NALF1: variants seen among roughly 807,000 people sequenced by gnomAD.
NALF1 encodes the protein family with sequence similarity 155 member A.
Under a neutral mutation model 48.4 loss-of-function variants are expected in NALF1, and 3 were observed. That is an observed-to-expected ratio of 0.06 (90% CI 0.03 to 0.16). The LOEUF is 0.16. Ranked by LOEUF, NALF1 falls within the 10% of genes least tolerant of loss-of-function variation. The pLI, the probability that NALF1 is intolerant of heterozygous loss-of-function variation, is 1.00. For synonymous variants in NALF1, 262 were observed against 245.7 expected, an observed-to-expected ratio of 1.07 and a Z score of -0.62; for missense variants, 526 against 571.5, an observed-to-expected ratio of 0.92 and a Z score of 0.81.
At chr13:107,400,753 C>A (rs570275888) in intron 1 of NALF1, among the ~76,000 whole-genome samples, 1 of 152,164 alleles carries the variant, frequency 6.6e-6, no homozygotes, top group African/African-American at 2.4e-5. Context: ...AAATTTACCT[C>A]ATGTTTAACC....
chr13:107,659,094 C>T (rs1880658998), intron 1 of NALF1, among the ~76,000 whole-genome samples: 1 of 130,964 alleles, frequency 7.6e-6, no homozygotes, highest in African/African-American at 3.1e-5. Context: ...AACTAGCCAG[C>T]ACTGACACAC....
intron 1 of NALF1, among the ~76,000 whole-genome samples, chr13:107,243,986 G>C (rs536421630): frequency 5.3e-5 from 8 of 152,264 alleles, no homozygotes; most frequent in African/African-American, 1.9e-4. Flanking sequence ...CAAAAATCAG[G>C]TTAGCCTCCT....
chr13:107,682,386 C>A (rs1319230917), intron 1 of NALF1, among the ~76,000 whole-genome samples: 1 of 152,154 alleles, frequency 6.6e-6, no homozygotes, highest in African/African-American at 2.4e-5. Context: ...TCCTGAGGCT[C>A]TTCTAGTTCT....
intron 2 of NALF1, among the ~76,000 whole-genome samples, chr13:107,198,423 G>A (rs556956001): frequency 5.3e-5 from 8 of 152,186 alleles, no homozygotes; most frequent in East Asian, 3.9e-4. Flanking sequence ...CCCTTTCTTC[G>A]TTACTACTCT....
At chr13:107,861,199 T>C (rs1438852589) in intron 1 of NALF1, among the ~76,000 whole-genome samples, 1 of 152,164 alleles carries the variant, frequency 6.6e-6, no homozygotes, top group East Asian at 1.9e-4. Flanking sequence ...ACCTCATAAA[T>C]AGCTTTACTA....
rs116093085 is a variant in NALF1 at position 107,411,095 on chromosome 13, C to T, written c.916-200340G>A. Among the ~76,000 whole-genome samples the T allele has an allele frequency of 5.6e-3, 853 of 152,176 alleles. 10 individuals are homozygous for T. The highest frequency in any genetic ancestry group is 0.02 in the African/African-American group (815 of 41,512). On this transcript the variant is annotated intron_variant, in intron 1 of 2. Coordinates refer to ENST00000375915, the MANE Select transcript of NALF1 (RefSeq NM_001080396.3). ...TACGTTTCCTTTAGCAGCAAGGTGG[C>T]ATCTCAGCTTTCAAGACCTTAGGGG... is the stretch of plus-strand genomic sequence containing the variant.
At chr13:107,599,771 A>G (rs1878871013) in intron 1 of NALF1, among the ~76,000 whole-genome samples, 1 of 152,206 alleles carries the variant, frequency 6.6e-6, no homozygotes, top group African/African-American at 2.4e-5. Context: ...ATTATCATAA[A>G]TACAATAAAA....
intron 1 of NALF1, among the ~76,000 whole-genome samples, chr13:107,625,780 A>T (rs1393095597): frequency 6.6e-6 from 1 of 151,990 alleles, no homozygotes; most frequent in Non-Finnish European, 1.5e-5. Flanking sequence ...CACCAACAAA[A>T]CCTGTTGAAA....
chr13:107,626,529 A>G lies in NALF1; in HGVS notation c.915+239153T>C, dbSNP rs74489956. On this transcript the variant is annotated intron_variant, in intron 1 of 2. Coordinates refer to ENST00000375915, the MANE Select transcript of NALF1 (RefSeq NM_001080396.3). ...ATGGAATCAATCTAAGTGGCCATCA[A>G]TGGATGAATGGATGATGAGAATGTG... Among the ~76,000 whole-genome samples, 1,119 of 152,254 alleles carry G rather than the reference A, an allele frequency of 7.3e-3. 15 individuals carry two copies. The highest frequency in any genetic ancestry group is 0.025 in the African/African-American group (1,043 of 41,560).
At chr13:107,468,166 A>G (rs1400784939) in intron 1 of NALF1, among the ~76,000 whole-genome samples, 1 of 152,212 alleles carries the variant, frequency 6.6e-6, no homozygotes, top group African/African-American at 2.4e-5. Flanking sequence ...ATCGCAAATA[A>G]CAAACAAATT....
In NALF1 at chr13:107,865,886, C is replaced by G. The variant is rs1486062572; in HGVS notation, c.711G>C (p.Gly237=). 2 of 1,614,108 alleles carry G rather than the reference C, an allele frequency of 1.2e-6. No homozygotes were observed. The highest frequency in any genetic ancestry group is 1.3e-5 in the African/African-American group (1 of 75,034). The change falls in exon 1 of 3, where the codon GGG becomes GGC. Residue 237 remains glycine, a synonymous_variant. Coordinates refer to ENST00000375915, the MANE Select transcript of NALF1 (RefSeq NM_001080396.3). ...NSYTLWELFS[G]LSSPNTLNCS... ...AGTTCAAAGTGTTGGGACTGGACAA[C>G]CCCGAGAACAACTCCCAAAGTGTGT...
At chr13:107,657,354 C>A (rs556326342) in intron 1 of NALF1, among the ~76,000 whole-genome samples, 15 of 152,092 alleles carry the variant, frequency 9.9e-5, no homozygotes, top group Non-Finnish European at 1.6e-4. Flanking sequence ...ACCAGGTATG[C>A]CATCATCAAA....
Position 107,170,772 on chromosome 13 carries a change from A to T in NALF1, c.1102T>A (p.Phe368Ile), listed in dbSNP as rs778157700. The T allele has an allele frequency of 6.2e-7, 1 of 1,614,166 alleles. No homozygotes were observed. Among genetic ancestry groups the T allele is most frequent in the East Asian group, 2.2e-5 (1 of 44,886 alleles). The change falls in exon 3 of 3, where the codon TTT (phenylalanine) becomes ATT (isoleucine). Residue 368 changes from phenylalanine to isoleucine, a missense_variant. Coordinates refer to ENST00000375915, the MANE Select transcript of NALF1 (RefSeq NM_001080396.3). ...CATTCTGGTTCATCATTGGTTAGAAAGGTTTCATAAAGCCCTGTAGGAAGA... is the reference window on the plus strand; with the variant it reads ...CATTCTGGTTCATCATTGGTTAGAATGGTTTCATAAAGCCCTGTAGGAAGA... ...SFICTGLYET[F>I]LTNDEPECCD...
intron 1 of NALF1, among the ~76,000 whole-genome samples, chr13:107,547,258 T>G: frequency 6.6e-6 from 1 of 152,158 alleles, no homozygotes; most frequent in East Asian, 1.9e-4. Flanking sequence ...GAAAAAGTTG[T>G]TCAGGTGTTT....
rs1164695551 is a variant in NALF1, at chr13:107,866,117, G to A, written c.480C>T (p.Asn160=). Residue 160 remains asparagine (N), a synonymous_variant, in exon 1 of 3, where the codon AAC becomes AAT. Transcript: ENST00000375915. The surrounding 1 kb of genome is among the most constrained non-coding windows in gnomAD (Gnocchi z 4.4). The stretch of plus-strand genomic sequence containing the variant: ...CCAGGCGCCACACGGGCTTGGCAGA[G>A]TTTCCTAGAAAAAGAGCCTTGCCCC... ...DDRGKALFLG[N]SAKPVWRLET... is the part of the protein sequence containing the mutation. 1.9e-6 allele frequency: 3 copies of A among 1,612,562 alleles called. No individual in the cohort carries two copies. The highest frequency in any genetic ancestry group is 1.7e-6 in the Non-Finnish European group (2 of 1,179,848).
intron 1 of NALF1, among the ~76,000 whole-genome samples, chr13:107,569,437 A>C (rs191927427): frequency 0.012 from 1,765 of 151,676 alleles, 14 homozygotes; most frequent in Middle Eastern, 0.031. Context: ...GCGCCACCGC[A>C]CTCCAGCCTG....
chr13:107,797,402 G>C lies in NALF1; in HGVS notation c.915+68280C>G, dbSNP rs1017508298. Among the ~76,000 whole-genome samples, 3 of 151,962 alleles carry C rather than the reference G, an allele frequency of 2.0e-5. No individual in the cohort carries two copies. The South Asian group carries it at 6.2e-4, about 32-fold the overall frequency. ...TTTTTCGTATTTTTAGTAGAGAGGG[G>C]GTTTCACCGTGTTGGCCAGGATGGT... is the stretch of plus-strand genomic sequence containing the variant. On this transcript the variant is annotated intron_variant, in intron 1 of 2. Transcript: ENST00000375915.
intron 1 of NALF1, among the ~76,000 whole-genome samples, chr13:107,460,614 G>A (rs545644674): frequency 2.6e-5 from 4 of 152,194 alleles, no homozygotes; most frequent in South Asian, 2.1e-4. Flanking sequence ...CACAGATTTC[G>A]ACCTAGTGCT....
chr13:107,686,742 AATGAG>A (rs76988724), intron 1 of NALF1, among the ~76,000 whole-genome samples: 53,290 of 151,884 alleles, frequency 0.35, 9,529 homozygotes, highest in East Asian at 0.42. Context: ...TTACAACCAC[AATGAG>A]ATATCATCTC....
Sources: gnomAD v4.1 joint callset for allele counts (sites outside exome capture counted in the v4.1 genomes callset) on GRCh38, gnomAD v4.1.1 for gene constraint, Gnocchi (gnomAD v3.1) non-coding constraint, MANE v1.5 for transcripts, NCBI Gene and HGNC (gene_info 2026-07-23, HGNC 2026-07-21) for gene names.